The following GRM8 variants were observed in gnomAD, a reference collection of about 807,000 sequenced individuals.
The protein encoded by GRM8 is glutamate metabotropic receptor 8, also known as metabotropic glutamate receptor 8.
In GRM8, 47 loss-of-function variants were observed where a neutral mutation model predicts 87.2. The ratio of observed to expected loss-of-function variants is 0.54; its 90% CI spans 0.43 to 0.69. GRM8 has a LOEUF of 0.69. GRM8 is among the 30% of genes least tolerant of loss of function. The pLI is 0.00. For synonymous variants in GRM8, 396 were observed against 404.5 expected (o/e 0.98, Z 0.25); for missense variants, 1,019 against 1,139.2 (o/e 0.89, Z 1.52).
In GRM8 at chr7:126,547,327, T is replaced by A. The variant is rs553148975; in HGVS notation, c.1495-13440A>T. 2.2e-4 allele frequency among the ~76,000 whole-genome samples: 34 copies of A among 152,212 alleles called. No homozygotes were observed. In the South Asian group the frequency reaches 6.8e-3, roughly 31 times the overall value. On this transcript the variant is annotated intron_variant, in intron 8 of 10. Coordinates refer to ENST00000339582, the MANE Select transcript of GRM8 (RefSeq NM_000845.3). Reference sequence around the variant, plus strand: ...GAAAATAGTCTTTTTCCCCAATGCATGGAGAGGGAGGCATCTAAAGTTATT... The same window carrying A: ...GAAAATAGTCTTTTTCCCCAATGCAAGGAGAGGGAGGCATCTAAAGTTATT...
At chr7:126,776,438 A>T in intron 6 of GRM8, among the ~76,000 whole-genome samples, 1 of 152,172 alleles carries the variant, frequency 6.6e-6, no homozygotes, top group East Asian at 1.9e-4. Context: ...AGATTTGGTT[A>T]ATGATATCTC....
chr7:126,906,931 G>T (rs1802734326), intron 3 of GRM8, among the ~76,000 whole-genome samples: 1 of 152,138 alleles, frequency 6.6e-6, no homozygotes, highest in Non-Finnish European at 1.5e-5. Context: ...TTTCTTGAGT[G>T]CCCCGTATCT....
At chr7:126,631,001 T>A (rs1801200494) in intron 7 of GRM8, among the ~76,000 whole-genome samples, 2 of 152,106 alleles carry the variant, frequency 1.3e-5, no homozygotes, top group South Asian at 4.1e-4. Context: ...TTACCATTCC[T>A]ACTCAACACA....
intron 9 of GRM8, among the ~76,000 whole-genome samples, chr7:126,496,970 A>ATTTTT (rs71177562): frequency 2.8e-5 from 4 of 143,010 alleles, no homozygotes; most frequent in African/African-American, 2.6e-5. Context: ...TGAGTTTTGG[A>ATTTTT]TTTTTTTTTT....
chr7:126,927,076 C>T (rs572925985), intron 3 of GRM8, among the ~76,000 whole-genome samples: 26 of 152,320 alleles, frequency 1.7e-4, no homozygotes, highest in Non-Finnish European at 2.5e-4. Context: ...CTCTGTTCAA[C>T]GTCTTCCAGT....
At chr7:126,899,672 G>A (rs1801876134) in intron 6 of GRM8, among the ~76,000 whole-genome samples, 1 of 151,448 alleles carries the variant, frequency 6.6e-6, no homozygotes. Flanking sequence ...GGTCTTTAAT[G>A]CCTCTCCTTA....
At chr7:126,638,111 A>G (rs1802035802) in intron 7 of GRM8, among the ~76,000 whole-genome samples, 1 of 152,140 alleles carries the variant, frequency 6.6e-6, no homozygotes, top group Admixed American at 6.6e-5. Context: ...GTGTGATATG[A>G]TTTTTTTAAA....
intron 8 of GRM8, among the ~76,000 whole-genome samples, chr7:126,583,023 T>A (rs555899590): frequency 6.6e-6 from 1 of 152,146 alleles, no homozygotes. Context: ...AGGCCAAATA[T>A]CAAGGAGTAA....
At chr7:126,747,070 A>G (rs1432019342) in intron 7 of GRM8, among the ~76,000 whole-genome samples, 1 of 151,902 alleles carries the variant, frequency 6.6e-6, no homozygotes, top group Admixed American at 6.6e-5. Flanking sequence ...AGTCAAATGT[A>G]TCATTGGTGC....
chr7:127,156,937 T>C lies in GRM8; in HGVS notation c.511-50225A>G, dbSNP rs1281646215. Among the ~76,000 whole-genome samples the C allele has an allele frequency of 2.6e-5, 4 of 152,118 alleles. No homozygotes were observed. The East Asian group carries it at 7.7e-4, about 29-fold the overall frequency. ...CAACCAAACAATGATTGAGAGCAGA[T>C]GCAGAAATTATCTCATAAGGTATTG... is the stretch of plus-strand genomic sequence containing the variant. On this transcript the variant is annotated intron_variant, in intron 2 of 10. Transcript: ENST00000339582.
intron 3 of GRM8, among the ~76,000 whole-genome samples, chr7:126,905,970 G>T (rs1802633079): frequency 6.6e-6 from 1 of 152,164 alleles, no homozygotes; most frequent in Non-Finnish European, 1.5e-5. Context: ...CAATGACCAG[G>T]TCCAACTTGA....
At chr7:126,728,548 A>G (rs961404246) in intron 7 of GRM8, among the ~76,000 whole-genome samples, 4 of 152,200 alleles carry the variant, frequency 2.6e-5, no homozygotes, top group Non-Finnish European at 4.4e-5. Flanking sequence ...TCAGAAAAGC[A>G]GCATACCCAC....
chr7:126,486,372 G>T (rs1443845690), intron 9 of GRM8, among the ~76,000 whole-genome samples: 1 of 151,974 alleles, frequency 6.6e-6, no homozygotes, highest in Non-Finnish European at 1.5e-5. Context: ...CATGTGTCAG[G>T]ACTCCCTTTG....
chr7:126,695,372 C>T (rs767362011), intron 7 of GRM8, among the ~76,000 whole-genome samples: 11 of 152,088 alleles, frequency 7.2e-5, no homozygotes, highest in Non-Finnish European at 1.5e-4. Context: ...CCAAATAGCT[C>T]ATAGCATGGA....
intron 2 of GRM8, among the ~76,000 whole-genome samples, chr7:127,119,351 T>G (rs1826892114): frequency 6.6e-6 from 1 of 152,014 alleles, no homozygotes. Flanking sequence ...CCAGGCATGG[T>G]GGTGTGTGAC....
At chr7:127,074,930 G>A (rs1303427943) in intron 3 of GRM8, among the ~76,000 whole-genome samples, 1 of 152,186 alleles carries the variant, frequency 6.6e-6, no homozygotes, top group Non-Finnish European at 1.5e-5. Flanking sequence ...GTGTTCATGA[G>A]TGTCTCATTT....
intron 7 of GRM8, among the ~76,000 whole-genome samples, chr7:126,643,305 AAAAAAAAAAAAAAAAT>A (rs1802629214): frequency 6.3e-5 from 2 of 31,938 alleles, no homozygotes; most frequent in Admixed American, 2.8e-4. Context: ...AAAAAAAAAA[AAAAAAAAAAAAAAAAT>A]ATATATATAT....
intron 3 of GRM8, among the ~76,000 whole-genome samples, chr7:126,925,328 G>A (rs191703097): frequency 1.3e-5 from 2 of 152,288 alleles, no homozygotes; most frequent in Non-Finnish European, 2.9e-5. Context: ...TTAGAAAGCA[G>A]AATGCAGTAC....
intron 6 of GRM8, among the ~76,000 whole-genome samples, chr7:126,777,316 T>G (rs1819587220): frequency 6.6e-6 from 1 of 152,202 alleles, no homozygotes; most frequent in African/African-American, 2.4e-5. Flanking sequence ...AAATTATTAC[T>G]ACTCCTCTTG....
Sources: allele counts gnomAD v4.1 joint callset (sites outside exome capture counted in the v4.1 genomes callset), GRCh38; gene constraint gnomAD v4.1.1; transcripts MANE v1.5; gene names NCBI Gene and HGNC (gene_info 2026-07-23, HGNC 2026-07-21).